The following HS6ST3 variants were observed in gnomAD, a reference collection of about 807,000 sequenced individuals.
The protein encoded by HS6ST3 is heparan sulfate 6-O-sulfotransferase 3.
A neutral mutation model predicts 36.7 loss-of-function variants in HS6ST3; 12 were observed. The ratio of observed to expected loss-of-function variants is 0.33; its 90% confidence interval spans 0.21 to 0.53. HS6ST3 has a LOEUF of 0.53. Among genes scored for constraint, HS6ST3 ranks in the 20% least tolerant of loss-of-function variants. HS6ST3 has a pLI of 0.95. For synonymous variants in HS6ST3, 240 were observed against 257.5 expected, an observed-to-expected ratio of 0.93 and a Z score of 0.65; for missense variants, 584 against 640.9, an observed-to-expected ratio of 0.91 and a Z score of 0.96.
chr13:96,206,768 G>A (rs2054372604), intron 1 of HS6ST3, among the ~76,000 whole-genome samples: 1 of 152,170 alleles, frequency 6.6e-6, no homozygotes, highest in Admixed American at 6.5e-5. Flanking sequence ...GCAGAAAATT[G>A]AAATTGGACC....
chr13:96,246,326 A>T (rs2054584859), intron 1 of HS6ST3, among the ~76,000 whole-genome samples: 1 of 152,160 alleles, frequency 6.6e-6, no homozygotes, highest in Non-Finnish European at 1.5e-5. Context: ...CCAAGACTGA[A>T]ATTATTTTGC....
intron 1 of HS6ST3, among the ~76,000 whole-genome samples, chr13:96,632,266 A>G (rs116045466): frequency 2.0e-5 from 3 of 151,896 alleles, no homozygotes; most frequent in Non-Finnish European, 2.9e-5. Context: ...TGGTGCCTCA[A>G]TCTGGGACTT....
intron 1 of HS6ST3, among the ~76,000 whole-genome samples, chr13:96,429,716 C>T (rs1375930982): frequency 1.3e-5 from 2 of 152,184 alleles, no homozygotes; most frequent in Non-Finnish European, 2.9e-5. Flanking sequence ...GGTTTTTAAG[C>T]TTAAATTCCT....
chr13:96,693,593 A>G (rs1875039418), intron 1 of HS6ST3, among the ~76,000 whole-genome samples: 1 of 152,154 alleles, frequency 6.6e-6, no homozygotes, highest in African/African-American at 2.4e-5. Context: ...GTGAGCCACC[A>G]TGACCAGCCG....
intron 1 of HS6ST3, among the ~76,000 whole-genome samples, chr13:96,309,140 A>C (rs770647846): frequency 6.6e-6 from 1 of 152,136 alleles, no homozygotes; most frequent in Non-Finnish European, 1.5e-5. Context: ...GTGTACCGGG[A>C]TCCCATGGTA....
chr13:96,148,849 G>A (rs1163241557), intron 1 of HS6ST3, among the ~76,000 whole-genome samples: 1 of 152,134 alleles, frequency 6.6e-6, no homozygotes, highest in Non-Finnish European at 1.5e-5. Flanking sequence ...GCATATCAAT[G>A]ATGGCATGAA....
In HS6ST3 at chr13:96,533,685, G is replaced by T. The variant is rs554733286; in HGVS notation, c.708-298805G>T. Among the ~76,000 whole-genome samples the T allele has an allele frequency of 4.6e-5, 7 of 152,272 alleles. No homozygotes were observed. In the South Asian group the frequency reaches 1.5e-3, roughly 32 times the overall value. ...ATCCTTGATAAATGAGGCCGCGGAAGCCATCAAACATGATGACTAAGTGCT... is the reference window on the plus strand; with the variant it reads ...ATCCTTGATAAATGAGGCCGCGGAATCCATCAAACATGATGACTAAGTGCT... On this transcript the variant is annotated intron_variant, in intron 1 of 1. Coordinates refer to ENST00000376705, the MANE Select transcript of HS6ST3 (RefSeq NM_153456.4).
At chr13:96,517,513 A>G (rs2056077331) in intron 1 of HS6ST3, among the ~76,000 whole-genome samples, 1 of 152,130 alleles carries the variant, frequency 6.6e-6, no homozygotes, top group Non-Finnish European at 1.5e-5. Context: ...GGTCTTTTAT[A>G]TTTTCCTTGA....
At position 96,284,748 on chromosome 13, in the gene HS6ST3, CTGCTTGCTTGCT is replaced by C. The variant is rs72180855; in HGVS notation, c.707+193209_707+193220del. Reference sequence around the variant, plus strand: ...AGGTTTTTGTAAAGAGGATACTGGTCTGCTTGCTTGCTTGCTTGCTTGCTTGCTTGCTTGCTT... The same window carrying C: ...AGGTTTTTGTAAAGAGGATACTGGTCTGCTTGCTTGCTTGCTTGCTTGCTT... On this transcript the variant is annotated intron_variant, in intron 1 of 1. Transcript: ENST00000376705. Among the ~76,000 whole-genome samples the C allele has an allele frequency of 5.8e-4, 87 of 150,536 alleles. 1 individual carries two copies. The highest frequency in any genetic ancestry group is 2.6e-3 in the Admixed American group (39 of 15,142).
At chr13:96,475,541 C>T (rs1453569708) in intron 1 of HS6ST3, among the ~76,000 whole-genome samples, 1 of 146,278 alleles carries the variant, frequency 6.8e-6, no homozygotes, top group Non-Finnish European at 1.5e-5. Context: ...TGTTAAGACA[C>T]GTATCAGCAA....
chr13:96,486,676 G>T (rs568283770), intron 1 of HS6ST3, among the ~76,000 whole-genome samples: 1 of 152,286 alleles, frequency 6.6e-6, no homozygotes, highest in African/African-American at 2.4e-5. Flanking sequence ...TTTGAGAAGT[G>T]TCTGTTCATA....
intron 1 of HS6ST3, among the ~76,000 whole-genome samples, chr13:96,450,618 G>A (rs2055723007): frequency 6.6e-6 from 1 of 152,146 alleles, no homozygotes; most frequent in East Asian, 1.9e-4. Flanking sequence ...AAGAAGTTGA[G>A]ATGATTGTCT....
At chr13:96,462,922 C>G (rs911338136) in intron 1 of HS6ST3, among the ~76,000 whole-genome samples, 2 of 151,972 alleles carry the variant, frequency 1.3e-5, no homozygotes, top group African/African-American at 4.8e-5. Context: ...ACCATATTTC[C>G]ATTTAGATAA....
At chr13:96,557,070 T>G (rs895421414) in intron 1 of HS6ST3, among the ~76,000 whole-genome samples, 16 of 152,184 alleles carry the variant, frequency 1.1e-4, no homozygotes, top group Non-Finnish European at 2.2e-4. Flanking sequence ...ATTCACCAAC[T>G]GTGAGGTTCT....
chr13:96,399,159 C>A (rs1288326740), intron 1 of HS6ST3, among the ~76,000 whole-genome samples: 1 of 152,218 alleles, frequency 6.6e-6, no homozygotes, highest in Non-Finnish European at 1.5e-5. Flanking sequence ...CTGAATACTT[C>A]TCTGATTTTG....
At chr13:96,268,858 T>G (rs1209283748) in intron 1 of HS6ST3, among the ~76,000 whole-genome samples, 1 of 151,822 alleles carries the variant, frequency 6.6e-6, no homozygotes, top group Non-Finnish European at 1.5e-5. Context: ...TTGAAAACTA[T>G]CCATGAATCA....
chr13:96,714,497 A>G (rs1594843083), intron 1 of HS6ST3, among the ~76,000 whole-genome samples: 1 of 152,138 alleles, frequency 6.6e-6, no homozygotes, highest in East Asian at 1.9e-4. Flanking sequence ...GGATGCCAAG[A>G]GTTGGAAAGA....
At chr13:96,543,845 A>C (rs971306928) in intron 1 of HS6ST3, among the ~76,000 whole-genome samples, 6 of 152,106 alleles carry the variant, frequency 3.9e-5, no homozygotes, top group African/African-American at 1.2e-4. Flanking sequence ...ATGACCTATT[A>C]ATAATGTTGA....
intron 1 of HS6ST3, among the ~76,000 whole-genome samples, chr13:96,420,633 A>G (rs2055558064): frequency 6.6e-6 from 1 of 152,168 alleles, no homozygotes; most frequent in Non-Finnish European, 1.5e-5. Flanking sequence ...CTGCTTCATC[A>G]TCATAGTGAC....
Sources: allele counts gnomAD v4.1 joint callset (sites outside exome capture counted in the v4.1 genomes callset), GRCh38; gene constraint gnomAD v4.1.1; transcripts MANE v1.5; gene names NCBI Gene and HGNC (gene_info 2026-07-23, HGNC 2026-07-21).